Variants in IQGAP1 observed in about 807,000 individuals in gnomAD.
The protein encoded by IQGAP1 is IQ motif containing GTPase activating protein 1.
Under a neutral mutation model 215.6 loss-of-function variants are expected in IQGAP1, and 66 were observed. The ratio of observed to expected loss-of-function variants is 0.31; its 90% CI spans 0.25 to 0.38. The LOEUF is 0.38. IQGAP1 is among the 10% of genes least tolerant of loss of function. IQGAP1 has a pLI of 1.00. For synonymous variants in IQGAP1, 772 were observed against 728.7 expected (o/e 1.06, Z -0.96); for missense variants, 1,712 against 1,997.1 (o/e 0.86, Z 2.72).
intron 15 of IQGAP1, among the ~76,000 whole-genome samples, chr15:90,465,421 C>G (rs560698898): frequency 1.3e-5 from 2 of 152,320 alleles, no homozygotes; most frequent in East Asian, 1.9e-4. Flanking sequence ...CTTGCCCCTT[C>G]TAGCTGTTCA....
chr15:90,389,721 G>A (rs118103559), intron 1 of IQGAP1, among the ~76,000 whole-genome samples: 2,672 of 151,648 alleles, frequency 0.018, 61 homozygotes, highest in East Asian at 0.11. Context: ...TTGGGAGTCC[G>A]AGGTGAGAGG....
At position 90,390,799 on chromosome 15, in the gene IQGAP1, T is replaced by C. The variant is rs755017499; in HGVS notation, c.81T>C (p.Thr27=). The change falls in exon 2 of 38, where the codon ACT becomes ACC. Residue 27 remains threonine, a synonymous_variant. Transcript: ENST00000268182. ...CTGTCCTGGATAATGAAAGACTTACTGCAGAGGAGATGGATGAAAGGAGAC... is the reference window on the plus strand; with the variant it reads ...CTGTCCTGGATAATGAAAGACTTACCGCAGAGGAGATGGATGAAAGGAGAC... The part of the protein sequence containing the change: ...YGSVLDNERL[T]AEEMDERRRQ... 1.9e-6 allele frequency: 3 copies of C among 1,612,310 alleles called. No individual in the cohort carries two copies. Among genetic ancestry groups the C allele is most frequent in the African/African-American group, 2.7e-5 (2 of 74,890 alleles).
chr15:90,422,657 TATGTATATATATATATATATATA>T, intron 2 of IQGAP1, among the ~76,000 whole-genome samples: 1 of 67,376 alleles, frequency 1.5e-5, no homozygotes, highest in Non-Finnish European at 2.6e-5. Flanking sequence ...TATATATATA[TATGTATATATATATATATATATA>T]ATTTTTGAGA....
At chr15:90,478,841 C>T (rs1966015887) in intron 26 of IQGAP1, among the ~76,000 whole-genome samples, 1 of 152,114 alleles carries the variant, frequency 6.6e-6, no homozygotes, top group Non-Finnish European at 1.5e-5. Flanking sequence ...AGTGAGCTTC[C>T]CTGAAATATC....
At chr15:90,432,794 C>G (rs984123025) in intron 4 of IQGAP1, among the ~76,000 whole-genome samples, 3 of 152,080 alleles carry the variant, frequency 2.0e-5, no homozygotes, top group Admixed American at 6.6e-5. Context: ...AAATTCTTCT[C>G]ACCTCATTAT....
At chr15:90,482,743 T>C in intron 28 of IQGAP1, 1 of 995,052 alleles carries the variant, frequency 1.0e-6, no homozygotes, top group South Asian at 4.3e-5. Context: ...CTAGACTTTC[T>C]GTTCAGGTGA....
At chr15:90,393,941 C>T (rs1964674690) in intron 2 of IQGAP1, 1 of 152,094 alleles carries the variant, frequency 6.6e-6, no homozygotes, top group Admixed American at 6.6e-5. Context: ...TCGAGACCAG[C>T]CTGACCAACA....
chr15:90,426,131 G>C lies in IQGAP1; in HGVS notation c.177G>C (p.Gly59=), dbSNP rs761148777. 1 of 1,605,940 alleles carries C rather than the reference G, an allele frequency of 6.2e-7. No individual in the cohort carries two copies. The highest frequency in any genetic ancestry group is 1.3e-5 in the African/African-American group (1 of 74,136). ...EAKRWMEACL[G]EDLPPTTELE... ...GCAGGTGGATGGAAGCATGCCTAGG[G>C]GAAGATCTGCCTCCCACCACAGAAC... The change falls in exon 3 of 38, where the codon GGG becomes GGC. Residue 59 remains glycine, a synonymous_variant. Coordinates refer to ENST00000268182, the MANE Select transcript of IQGAP1 (RefSeq NM_003870.4).
intron 10 of IQGAP1, 57 bp from the exon 11 acceptor site, chr15:90,449,502 A>T (rs1442551038): frequency 2.2e-6 from 3 of 1,342,426 alleles, no homozygotes; most frequent in African/African-American, 1.5e-5. Context: ...TGAGAACCTT[A>T]AGGCCTGGAG....
intron 3 of IQGAP1, among the ~76,000 whole-genome samples, chr15:90,426,676 C>T (rs777042888): frequency 5.9e-5 from 9 of 151,974 alleles, no homozygotes; most frequent in South Asian, 2.1e-4. Context: ...GTTTTGGGGC[C>T]GGGCGCGGTG....
At chr15:90,388,537 C>A in intron 1 of IQGAP1, 141 bp downstream of exon 1, 2 of 592,288 alleles carry the variant, frequency 3.4e-6, no homozygotes, top group Non-Finnish European at 5.1e-6. Flanking sequence ...CCCGGTGGGG[C>A]GGCGGGCGGC....
chr15:90,407,719 A>G (rs888879343), intron 2 of IQGAP1, among the ~76,000 whole-genome samples: 1 of 152,082 alleles, frequency 6.6e-6, no homozygotes, highest in Admixed American at 6.6e-5. Flanking sequence ...TCCATTGCTC[A>G]TTTTTTCTAA....
At chr15:90,414,613 C>G (rs1291384749) in intron 2 of IQGAP1, among the ~76,000 whole-genome samples, 2 of 152,162 alleles carry the variant, frequency 1.3e-5, no homozygotes, top group African/African-American at 2.4e-5. Flanking sequence ...TTAACTTGAT[C>G]ACAGACGCTA....
chr15:90,464,323 T>C (rs1001326567), intron 15 of IQGAP1, among the ~76,000 whole-genome samples: 1 of 152,168 alleles, frequency 6.6e-6, no homozygotes, highest in Admixed American at 6.5e-5. Context: ...GTAAAGACCT[T>C]ACAGGCATCT....
Position 90,457,474 on chromosome 15 carries a change from TAGAGTGCA to T in IQGAP1, c.1776+1161_1776+1168del, listed in dbSNP as rs1017434592. Reference sequence around the variant, plus strand: ...CGGAGTCTTGCTCTGTCACCCAGGCTAGAGTGCAATGACGCAATCTCAGCTCACTGCAA... The same window carrying T: ...CGGAGTCTTGCTCTGTCACCCAGGCTATGACGCAATCTCAGCTCACTGCAA... On this transcript the variant is annotated intron_variant, in intron 15 of 37. Transcript: ENST00000268182. 1.3e-4 allele frequency among the ~76,000 whole-genome samples: 20 copies of T among 152,016 alleles called. 1 individual carries two copies. The highest frequency in any genetic ancestry group is 1.2e-3 in the Admixed American group (18 of 15,244).
chr15:90,397,811 C>T (rs980343341), intron 2 of IQGAP1: 13 of 151,652 alleles, frequency 8.6e-5, no homozygotes, highest in Admixed American at 2.6e-4. Flanking sequence ...CCACCACGCC[C>T]GGCCTGAACT....
chr15:90,497,332 C>T lies in IQGAP1; in HGVS notation c.4852C>T (p.His1618Tyr), dbSNP rs753957161. ...AGTTCAAATGGAGACTTTTATGTTA[C>T]ATTATCAGGTGGGTATGCACCAGCA... ...MGVQMETFML[H>Y]YQDLLQLQYE... The change falls in exon 37 of 38, where the codon CAT (histidine) becomes TAT (tyrosine). Residue 1618 changes from histidine to tyrosine, a missense_variant. Physicochemically the swap from His to Tyr is moderately conservative, Grantham distance 83. Around this residue, in one of 2 missense-constraint regions of IQGAP1, gnomAD observed 691 missense variants for 923.0 expected, o/e 0.75. Coordinates refer to ENST00000268182, the MANE Select transcript of IQGAP1 (RefSeq NM_003870.4). The T allele has an allele frequency of 1.3e-6, 2 of 1,580,562 alleles. No homozygotes were observed. The highest frequency in any genetic ancestry group is 1.7e-6 in the Non-Finnish European group (2 of 1,149,830).
Position 90,483,609 on chromosome 15 carries a change from C to A in IQGAP1, c.3788+16C>A. ...AGAAATTCAGGTAAGGGGAAAGGCA[C>A]AAGTGCTTAAGAGAGTCTGTGGATG... On this transcript the variant is annotated intron_variant, in intron 29 of 37. Transcript: ENST00000268182. 6.5e-7 allele frequency: 1 copy of A among 1,538,410 alleles called. No individual in the cohort carries two copies.
intron 1 of IQGAP1, among the ~76,000 whole-genome samples, chr15:90,389,839 C>T (rs1395796552): frequency 6.6e-6 from 1 of 150,980 alleles, no homozygotes; most frequent in Non-Finnish European, 1.5e-5. Flanking sequence ...TGCCTGTGGT[C>T]CCAGCTGCTT....
Sources: gnomAD v4.1 joint callset for allele counts (sites outside exome capture counted in the v4.1 genomes callset) on GRCh38, gnomAD v4.1.1 for gene constraint, gnomAD v4.1.1 regional missense constraint, MANE v1.5 for transcripts, NCBI Gene and HGNC (gene_info 2026-07-23, HGNC 2026-07-21) for gene names.